Variants in SNTG1 observed in about 807,000 individuals in gnomAD.
The protein encoded by SNTG1 is gamma-1-syntrophin.
SNTG1 carries 39 observed loss-of-function variants against 74.7 expected under a neutral mutation model. The observed-to-expected ratio is 0.52, with a 90% CI of 0.40 to 0.68. SNTG1 has a LOEUF of 0.68. Ranked by LOEUF, SNTG1 falls within the 30% of genes least tolerant of loss-of-function variation. The pLI is 0.00. For synonymous variants in SNTG1, 254 were observed against 217.1 expected (o/e 1.17, Z -1.49); for missense variants, 685 against 609.5 (o/e 1.12, Z -1.30).
intron 12 of SNTG1, among the ~76,000 whole-genome samples, chr8:50,585,154 A>T (rs766380742): frequency 2.0e-5 from 3 of 152,196 alleles, no homozygotes; most frequent in Non-Finnish European, 4.4e-5. Flanking sequence ...AGCAGAGATG[A>T]ATATAATTTA....
intron 2 of SNTG1, among the ~76,000 whole-genome samples, chr8:50,391,946 C>G (rs1279209507): frequency 6.6e-6 from 1 of 152,124 alleles, no homozygotes; most frequent in African/African-American, 2.4e-5. Flanking sequence ...CATGCTTCAA[C>G]ACTGCTAAGG....
intron 1 of SNTG1, among the ~76,000 whole-genome samples, chr8:50,137,606 C>T (rs1329352889): frequency 6.6e-6 from 1 of 152,070 alleles, no homozygotes; most frequent in Non-Finnish European, 1.5e-5. Context: ...AGCAAGAAGG[C>T]GACAGAATGA....
intron 1 of SNTG1, among the ~76,000 whole-genome samples, chr8:50,071,440 ATG>A (rs769177185): frequency 2.0e-5 from 3 of 152,056 alleles, no homozygotes; most frequent in African/African-American, 4.8e-5. Context: ...ATGCATATAT[ATG>A]TGTGTGTGTG....
chr8:50,484,141 T>C (rs62515740), intron 8 of SNTG1, among the ~76,000 whole-genome samples: 2,298 of 92,024 alleles, frequency 0.025, 57 homozygotes, highest in African/African-American at 0.053. Flanking sequence ...TCTTTCCTTC[T>C]TTCTTTCTTT....
chr8:50,391,520 G>A (rs2092660212), intron 2 of SNTG1, among the ~76,000 whole-genome samples: 1 of 152,098 alleles, frequency 6.6e-6, no homozygotes, highest in African/African-American at 2.4e-5. Context: ...AGGAGTATTG[G>A]TCTAAAATTC....
chr8:50,188,691 A>G (rs2083466023), intron 2 of SNTG1, among the ~76,000 whole-genome samples: 1 of 152,098 alleles, frequency 6.6e-6, no homozygotes, highest in Admixed American at 6.6e-5. Context: ...GGAGTACTGC[A>G]GTGCACACCC....
intron 1 of SNTG1, among the ~76,000 whole-genome samples, chr8:49,925,295 C>T (rs1181688345): frequency 1.3e-5 from 2 of 152,160 alleles, no homozygotes; most frequent in African/African-American, 4.8e-5. Context: ...CTCATGAAAA[C>T]TTCTCCAACT....
intron 15 of SNTG1, among the ~76,000 whole-genome samples, chr8:50,684,740 C>CTTTTTTTTTTTTTTTTTTTTTCT (rs71235319): frequency 1.5e-5 from 2 of 135,130 alleles, no homozygotes; most frequent in Non-Finnish European, 3.2e-5. Context: ...TTTTTTTTTT[C>CTTTTTTTTTTTTTTTTTTTTTCT]TTTTTTTTTA....
chr8:49,946,924 G>A (rs770677771), intron 1 of SNTG1, among the ~76,000 whole-genome samples: 1 of 152,152 alleles, frequency 6.6e-6, no homozygotes, highest in African/African-American at 2.4e-5. Context: ...GATTATATTA[G>A]CATATTCAAC....
intron 1 of SNTG1, among the ~76,000 whole-genome samples, chr8:49,916,317 T>C (rs556966341): frequency 6.6e-6 from 1 of 152,210 alleles, no homozygotes; most frequent in African/African-American, 2.4e-5. Flanking sequence ...ATCCTTAAAT[T>C]TTCACCGTGA....
At chr8:50,600,611 T>C (rs1201185057) in intron 13 of SNTG1, among the ~76,000 whole-genome samples, 1 of 152,180 alleles carries the variant, frequency 6.6e-6, no homozygotes, top group Non-Finnish European at 1.5e-5. Context: ...TATAAATTTC[T>C]ATTGAATTTA....
chr8:50,554,196 A>G (rs190851996), intron 12 of SNTG1, among the ~76,000 whole-genome samples: 172 of 152,270 alleles, frequency 1.1e-3, no homozygotes, highest in African/African-American at 3.9e-3. Flanking sequence ...GCAACTGTCT[A>G]GTTTCCAGTC....
intron 1 of SNTG1, among the ~76,000 whole-genome samples, chr8:49,921,506 G>C (rs1019645560): frequency 3.3e-4 from 50 of 152,102 alleles, no homozygotes; most frequent in African/African-American, 1.1e-3. Flanking sequence ...GAAGATAGTA[G>C]GGATCAGAAG....
chr8:50,788,848 C>T (rs72645854), intron 18 of SNTG1, among the ~76,000 whole-genome samples: 12,062 of 151,938 alleles, frequency 0.079, 530 homozygotes, highest in Non-Finnish European at 0.098. Flanking sequence ...TCATCTCCTG[C>T]GGCCTCAGAT....
chr8:50,597,603 C>T (rs747218811), intron 13 of SNTG1, among the ~76,000 whole-genome samples: 27 of 151,528 alleles, frequency 1.8e-4, no homozygotes, highest in Non-Finnish European at 3.1e-4. Context: ...TGTGGTAATT[C>T]AATTTTGATT....
At chr8:50,376,746 T>G (rs1222636029) in intron 2 of SNTG1, among the ~76,000 whole-genome samples, 250 of 111,000 alleles carry the variant, frequency 2.3e-3, no homozygotes, top group South Asian at 7.1e-3. Context: ...TATATATATA[T>G]ATATATATAT....
At chr8:50,569,308 C>A (rs1031131552) in intron 12 of SNTG1, among the ~76,000 whole-genome samples, 2 of 151,896 alleles carry the variant, frequency 1.3e-5, no homozygotes, top group African/African-American at 4.8e-5. Flanking sequence ...GATTCACAGA[C>A]ACACACACAA....
chr8:50,625,476 A>G (rs1301425582), intron 13 of SNTG1, among the ~76,000 whole-genome samples: 1 of 152,190 alleles, frequency 6.6e-6, no homozygotes, highest in African/African-American at 2.4e-5. Flanking sequence ...ATAGCAAAAC[A>G]CCCTGTAGAA....
intron 9 of SNTG1, among the ~76,000 whole-genome samples, chr8:50,508,538 C>A (rs183173173): frequency 1.2e-4 from 19 of 152,126 alleles, no homozygotes; most frequent in Non-Finnish European, 2.2e-4. Context: ...GTCCCACCAA[C>A]GATGTAAAGT....
Sources: allele counts gnomAD v4.1 joint callset (sites outside exome capture counted in the v4.1 genomes callset), GRCh38; gene constraint gnomAD v4.1.1; transcripts MANE v1.5; gene names NCBI Gene and HGNC (gene_info 2026-07-23, HGNC 2026-07-21).